Variants in IKZF4 observed in about 807,000 individuals in gnomAD.
The protein encoded by IKZF4 is IKAROS family zinc finger 4.
Under a neutral mutation model 47.7 loss-of-function variants are expected in IKZF4, and 11 were observed. The observed-to-expected ratio is 0.23, with a 90% confidence interval of 0.15 to 0.38. The LOEUF is 0.38. Ranked by LOEUF, IKZF4 falls within the 10% of genes least tolerant of loss-of-function variation. The pLI is 1.00. For synonymous variants in IKZF4, 298 were observed against 299.4 expected (o/e 1.00, Z 0.05); for missense variants, 557 against 784.9 (o/e 0.71, Z 3.47).
intron 3 of IKZF4, 57 bp from the exon 4 acceptor site, chr12:56,026,724 C>G: frequency 7.2e-7 from 1 of 1,388,002 alleles, no homozygotes; most frequent in South Asian, 1.7e-5. Context: ...CCATTCTGGC[C>G]TGGGAGCAGC....
Position 56,027,909 on chromosome 12 carries a change from G to A in IKZF4, c.677G>A (p.Arg226Gln). 1 of 1,587,370 alleles carries A rather than the reference G, an allele frequency of 6.3e-7. No homozygotes were observed. The highest frequency in any genetic ancestry group is 2.2e-5 in the East Asian group (1 of 44,794). ...KCPFCNYACR[R>Q]RDALTGHLRT... ...CCCTTCTGCAACTATGCCTGCCGCC[G>A]GCGTGATGCACTCACTGGTCACCTC... Residue 226 changes from arginine (R) to glutamine (Q), a missense_variant, in exon 5 of 8, where the codon CGG (arginine) becomes CAG (glutamine). Coordinates refer to ENST00000547167, the MANE Select transcript of IKZF4 (RefSeq NM_022465.4).
At chr12:56,013,612 C>A (rs1442430750) in intron 2 of IKZF4, among the ~76,000 whole-genome samples, 2 of 152,184 alleles carry the variant, frequency 1.3e-5, no homozygotes, top group African/African-American at 2.4e-5. Flanking sequence ...CTCCAATTGG[C>A]AGTGCCTAAT....
chr12:56,014,599 G>A (rs1891767305), intron 2 of IKZF4, among the ~76,000 whole-genome samples: 1 of 152,050 alleles, frequency 6.6e-6, no homozygotes, highest in Non-Finnish European at 1.5e-5. Flanking sequence ...ACTCCCACAG[G>A]GATCACACCA....
At position 56,015,466 on chromosome 12, in the gene IKZF4, C is replaced by T. The variant is rs141569507; in HGVS notation, c.-213-2660C>T. On this transcript the variant is annotated intron_variant, in intron 2 of 11. Transcript: ENST00000262032. ...GGCTGGAGTGCAGTGGCGTGATCTC[C>T]GCTCACTGCAACCTACACCTCCCCG... Among the ~76,000 whole-genome samples the T allele has an allele frequency of 5.9e-3, 899 of 151,598 alleles. 6 individuals are homozygous for T. Among genetic ancestry groups the T allele is most frequent in the African/African-American group, 0.019 (784 of 41,304 alleles).
chr12:56,034,917 C>T lies in IKZF4; in HGVS notation c.1344C>T (p.Ser448=). The part of the protein sequence containing the change: ...PRGPLTDPGA[S]PSNGCQDSTD... ...GCCCCCTGACTGACCCTGGGGCATC[C>T]CCCAGCAATGGCTGCCAGGACTCCA... The change falls in exon 8 of 8, where the codon TCC becomes TCT. Residue 448 remains serine, a synonymous_variant. Coordinates refer to ENST00000547167, the MANE Select transcript of IKZF4 (RefSeq NM_022465.4). 3 of 1,596,030 alleles carry T rather than the reference C, an allele frequency of 1.9e-6. No individual in the cohort carries two copies. The highest frequency in any genetic ancestry group is 2.6e-6 in the Non-Finnish European group (3 of 1,168,942).
intron 1 of IKZF4, chr12:56,021,872 C>T (rs996608666): frequency 2.4e-5 from 11 of 463,198 alleles, no homozygotes; most frequent in African/African-American, 5.9e-5. Context: ...GTAGAGCTGC[C>T]TGGGGTGAAA....
Position 56,021,511 on chromosome 12 carries a change from A to G in IKZF4, c.18A>G (p.Ala6=), listed in dbSNP as rs376230495. The G allele has an allele frequency of 6.2e-7, 1 of 1,603,802 alleles. No homozygotes were observed. Among genetic ancestry groups the G allele is most frequent in the Non-Finnish European group, 8.5e-7 (1 of 1,176,240 alleles). Residue 6 remains alanine (A), a synonymous_variant, in exon 1 of 8, where the codon GCA becomes GCG. Transcript: ENST00000547167. The part of the protein sequence containing the change: MHTPP[A]LPRRFQGGGR... ...ACGCAGACATGCATACACCACCCGCACTCCCTCGCCGTTTCCAAGGCGGCG... is the reference window on the plus strand; with the variant it reads ...ACGCAGACATGCATACACCACCCGCGCTCCCTCGCCGTTTCCAAGGCGGCG...
chr12:56,030,093 T>A (rs1894664647), intron 5 of IKZF4, among the ~76,000 whole-genome samples: 1 of 152,076 alleles, frequency 6.6e-6, no homozygotes, highest in Non-Finnish European at 1.5e-5. Context: ...TTCTCACTCA[T>A]GTGGGAGCTA....
chr12:56,035,175 C>T lies in IKZF4; in HGVS notation c.1602C>T (p.His534=). ...CTGTGAAGGCCTTCAAGTGTGAGCA[C>T]TGCCGTATCCTCTTCCTGGACCACG... ...GEPVKAFKCE[H]CRILFLDHVM... The change falls in exon 8 of 8, where the codon CAC becomes CAT. Residue 534 remains histidine (H), a synonymous_variant. Coordinates refer to ENST00000547167, the MANE Select transcript of IKZF4 (RefSeq NM_022465.4). This position sits in a 1 kb window ranked among gnomAD's most constrained non-coding sequence, Gnocchi z 6.1. 6.2e-7 allele frequency: 1 copy of T among 1,614,214 alleles called. No homozygotes were observed. The highest frequency in any genetic ancestry group is 8.5e-7 in the Non-Finnish European group (1 of 1,180,022).
At position 56,033,186 on chromosome 12, in the gene IKZF4, C is replaced by G. The variant is rs749856753; in HGVS notation, c.866-4C>G. ...TACTACTGTCTCCACCTTCTTCCCA[C>G]TAGGTGACGAAATACGTGACCTGGA... On this transcript the variant is annotated splice_region_variant and splice_polypyrimidine_tract_variant and intron_variant, in intron 6 of 7. Coordinates refer to ENST00000547167, the MANE Select transcript of IKZF4 (RefSeq NM_022465.4). 6 of 1,613,720 alleles carry G rather than the reference C, an allele frequency of 3.7e-6. No homozygotes were observed. The South Asian group carries it at 5.5e-5, about 15-fold the overall frequency.
rs780345169 is a variant in IKZF4, at chr12:56,026,870, G to A, written c.376G>A (p.Val126Met). The A allele has an allele frequency of 2.5e-6, 4 of 1,613,432 alleles. No individual in the cohort carries two copies. Among genetic ancestry groups the A allele is most frequent in the South Asian group, 1.1e-5 (1 of 90,930 alleles). The change falls in exon 4 of 8, where the codon GTG becomes ATG. Residue 126 changes from valine (V) to methionine (M), a missense_variant. Val to Met is a conservative substitution (Grantham distance 21, BLOSUM62 1). Coordinates refer to ENST00000547167, the MANE Select transcript of IKZF4 (RefSeq NM_022465.4). The part of the protein sequence containing the change: ...DERLLEKDDS[V>M]IVEDSLSEPL... ...GCGGCTCCTGGAAAAGGACGACAGC[G>A]TGATTGTGGAAGATTCATTGTCTGA...
chr12:56,019,041 C>G (rs949433386), upstream of IKZF4, among the ~76,000 whole-genome samples: 7 of 151,528 alleles, frequency 4.6e-5, no homozygotes, highest in Non-Finnish European at 1.5e-5. Context: ...CATGGTGAAG[C>G]CTCATATCTA....
chr12:56,011,815 T>C (rs769844097), intron 2 of IKZF4: 3 of 152,192 alleles, frequency 2.0e-5, no homozygotes, highest in Non-Finnish European at 4.4e-5. Context: ...GATGTCTAGG[T>C]CTTTTTCCTG....
At chr12:56,024,251 T>C (rs539576308) in intron 2 of IKZF4, among the ~76,000 whole-genome samples, 1 of 152,308 alleles carries the variant, frequency 6.6e-6, no homozygotes, top group South Asian at 2.1e-4. Flanking sequence ...AAACACGTGA[T>C]TGGAATCAGA....
rs1257375633 is a variant in IKZF4, at chr12:56,025,068, T to C, written c.196T>C (p.Ser66Pro). Reference protein sequence around the residue: ...SLFCESSGDSSLEKEFLGAPV... With the variant: ...SLFCESSGDSPLEKEFLGAPV... Reference sequence around the variant, plus strand: ...TCTCCTCCAAGGTAGCGGGGACTCATCTCTGGAGAAGGAGTTCCTCGGGGC... The same window carrying C: ...TCTCCTCCAAGGTAGCGGGGACTCACCTCTGGAGAAGGAGTTCCTCGGGGC... The change falls in exon 3 of 8, where the codon TCT becomes CCT. Residue 66 changes from serine to proline, a missense_variant. This residue lies in a region of IKZF4 where 112 missense variants were observed against 168.2 expected (regional missense o/e 0.67). Transcript: ENST00000547167. 1 of 1,590,996 alleles carries C rather than the reference T, an allele frequency of 6.3e-7. No homozygotes were observed. Among genetic ancestry groups the C allele is most frequent in the Non-Finnish European group, 8.6e-7 (1 of 1,168,926 alleles).
chr12:56,024,748 C>A, intron 2 of IKZF4: 1 of 1,240,716 alleles, frequency 8.1e-7, no homozygotes, highest in Non-Finnish European at 1.0e-6. Context: ...CCCCCATTTT[C>A]CTCTCCGCCC....
chr12:56,013,717 G>A lies in IKZF4; in HGVS notation c.-214+2223G>A, dbSNP rs535627226. Among the ~76,000 whole-genome samples the A allele has an allele frequency of 1.4e-4, 21 of 152,284 alleles. 1 individual carries two copies. In the East Asian group the frequency reaches 2.3e-3, roughly 17 times the overall value. On this transcript the variant is annotated intron_variant, in intron 2 of 11. Coordinates refer to the IKZF4 transcript ENST00000262032. ...GGGGTAGAGAGTGGGAAGGCTGGGC[G>A]GGATGTGCTGCAGGGAGACTTGAGC...
At chr12:56,026,708 AG>A in intron 3 of IKZF4, 72 bp from the exon 4 acceptor site, 29 of 1,268,210 alleles carry the variant, frequency 2.3e-5, no homozygotes, top group South Asian at 9.8e-5. Context: ...AAAAAAAAAA[AG>A]AGTGCCATTC....
At chr12:56,016,438 T>TTTTG (rs1892072568), upstream of IKZF4, among the ~76,000 whole-genome samples, 1 of 149,772 alleles carries the variant, frequency 6.7e-6, no homozygotes, top group Non-Finnish European at 1.5e-5. Flanking sequence ...TTTTTTTTTT[T>TTTTG]TGTGACCGGG....
Sources: gnomAD v4.1 joint callset for allele counts (sites outside exome capture counted in the v4.1 genomes callset) on GRCh38, gnomAD v4.1.1 for gene constraint, gnomAD v4.1.1 regional missense constraint, Gnocchi (gnomAD v3.1) non-coding constraint, MANE v1.5 for transcripts, NCBI Gene and HGNC (gene_info 2026-07-23, HGNC 2026-07-21) for gene names.